The following RFX3 variants were observed in gnomAD, a reference collection of about 807,000 sequenced individuals.
The protein encoded by RFX3 is regulatory factor X3.
In RFX3, 14 loss-of-function variants were observed where a neutral mutation model predicts 98.6. That is an observed-to-expected ratio of 0.14 (90% CI 0.09 to 0.22). The LOEUF (loss-of-function observed/expected upper bound fraction) is 0.22. RFX3 is among the 10% of genes least tolerant of loss of function. RFX3 has a pLI of 1.00. For missense variants in RFX3, 639 were observed against 926.9 expected (o/e 0.69, Z 4.03); for synonymous variants, 383 against 328.4 (o/e 1.17, Z -1.80).
intron 15 of RFX3, 163 bp downstream of exon 15, chr9:3,247,869 G>C: frequency 6.2e-7 from 1 of 1,608,808 alleles, no homozygotes; most frequent in Non-Finnish European, 8.5e-7. Context: ...CATAAGAACA[G>C]AGGAATTTAA....
At chr9:3,366,447 C>G (rs1294688871) in intron 2 of RFX3, among the ~76,000 whole-genome samples, 1 of 152,104 alleles carries the variant, frequency 6.6e-6, no homozygotes, top group Non-Finnish European at 1.5e-5. Flanking sequence ...CGAAGCTTAA[C>G]TTATTTAACT....
intron 13 of RFX3, among the ~76,000 whole-genome samples, chr9:3,260,485 C>G (rs897616106): frequency 2.6e-5 from 4 of 151,854 alleles, no homozygotes; most frequent in African/African-American, 9.6e-5. Context: ...ATAATGCTAA[C>G]AGAACACTGA....
At chr9:3,248,213 A>G (rs1418940312) in intron 14 of RFX3, 28 bp from the exon 15 acceptor site, 1 of 1,561,566 alleles carries the variant, frequency 6.4e-7, no homozygotes, top group Non-Finnish European at 8.6e-7. Flanking sequence ...ACAAATATGC[A>G]GCTAACATTA....
At chr9:3,506,916 GCATTGCTTGAAAGGT>G (rs1411231378) in intron 1 of RFX3, among the ~76,000 whole-genome samples, 1 of 151,874 alleles carries the variant, frequency 6.6e-6, no homozygotes, top group African/African-American at 2.4e-5. Flanking sequence ...AAGTAAGACT[GCATTGCTTGAAAGGT>G]CATTGTAAAA....
At chr9:3,490,552 T>C (rs1025070545) in intron 1 of RFX3, among the ~76,000 whole-genome samples, 1 of 152,142 alleles carries the variant, frequency 6.6e-6, no homozygotes, top group Non-Finnish European at 1.5e-5. Context: ...AGATACTGTT[T>C]TTGATTTTAC....
At chr9:3,299,189 T>A (rs1218982163) in intron 5 of RFX3, among the ~76,000 whole-genome samples, 3 of 151,640 alleles carry the variant, frequency 2.0e-5, no homozygotes, top group Admixed American at 1.3e-4. Flanking sequence ...ACTGAAAAAA[T>A]TCTACACAAC....
intron 15 of RFX3, among the ~76,000 whole-genome samples, chr9:3,236,515 C>T (rs1209236961): frequency 5.9e-5 from 9 of 152,200 alleles, no homozygotes; most frequent in Non-Finnish European, 5.9e-5. Flanking sequence ...ATGCTACCAG[C>T]TGCACCACAA....
intron 1 of RFX3, among the ~76,000 whole-genome samples, chr9:3,442,665 G>C (rs546530069): frequency 2.0e-5 from 3 of 152,268 alleles, no homozygotes; most frequent in African/African-American, 7.2e-5. Context: ...AGGAGAAAAG[G>C]AATGGGGGTA....
At chr9:3,430,266 T>TG (rs1844528033) in intron 1 of RFX3, among the ~76,000 whole-genome samples, 1 of 152,236 alleles carries the variant, frequency 6.6e-6, no homozygotes, top group Non-Finnish European at 1.5e-5. Flanking sequence ...ATGGATAGCA[T>TG]GCTAGGCTGT....
intron 1 of RFX3, among the ~76,000 whole-genome samples, chr9:3,507,473 A>C (rs1817217332): frequency 6.6e-6 from 1 of 151,854 alleles, no homozygotes; most frequent in African/African-American, 2.4e-5. Flanking sequence ...ATCCTATTTC[A>C]CAGAATTTAA....
chr9:3,506,897 A>G lies in RFX3; in HGVS notation c.-9+18850T>C, dbSNP rs140459333. Among the ~76,000 whole-genome samples, 523 of 152,050 alleles carry G rather than the reference A, an allele frequency of 3.4e-3. 3 individuals are homozygous for G. The highest frequency in any genetic ancestry group is 0.012 in the African/African-American group (497 of 41,548). On this transcript the variant is annotated intron_variant, in intron 1 of 16. Transcript: ENST00000617270. ...AAAAAGAAGTAAATAAATCCAATGG[A>G]AATAATAAAAGTAAGACTGCATTGC...
chr9:3,436,982 TTTTG>T (rs1462052182), intron 1 of RFX3, among the ~76,000 whole-genome samples: 1 of 152,052 alleles, frequency 6.6e-6, no homozygotes, highest in African/African-American at 2.4e-5. Flanking sequence ...TAATCCACGT[TTTTG>T]TTAGGAAGTT....
At chr9:3,321,129 C>T (rs1831256227) in intron 4 of RFX3, among the ~76,000 whole-genome samples, 1 of 152,024 alleles carries the variant, frequency 6.6e-6, no homozygotes, top group South Asian at 2.1e-4. Flanking sequence ...GTCTCGAACT[C>T]CTGACCTCAG....
chr9:3,347,757 C>A (rs1432044047), intron 2 of RFX3, among the ~76,000 whole-genome samples: 1 of 152,002 alleles, frequency 6.6e-6, no homozygotes, highest in Non-Finnish European at 1.5e-5. Flanking sequence ...ATCCAGGAGG[C>A]AGAGGTTGCA....
intron 3 of RFX3, among the ~76,000 whole-genome samples, chr9:3,344,431 G>A (rs1834217083): frequency 6.6e-6 from 1 of 152,064 alleles, no homozygotes; most frequent in Non-Finnish European, 1.5e-5. Context: ...CATTATGTTG[G>A]TGCTCAAAAA....
At chr9:3,473,605 A>G (rs556451490) in intron 1 of RFX3, among the ~76,000 whole-genome samples, 1 of 152,290 alleles carries the variant, frequency 6.6e-6, no homozygotes, top group East Asian at 1.9e-4. Flanking sequence ...CCATACTGAC[A>G]GATGCCCACA....
At chr9:3,253,170 G>A (rs1035442861) in intron 14 of RFX3, among the ~76,000 whole-genome samples, 6 of 152,134 alleles carry the variant, frequency 3.9e-5, no homozygotes, top group Middle Eastern at 3.2e-3. Flanking sequence ...AACTCATGGC[G>A]TGGAAATTGA....
intron 1 of RFX3, among the ~76,000 whole-genome samples, chr9:3,481,284 G>A (rs1849736561): frequency 6.6e-6 from 1 of 151,974 alleles, no homozygotes; most frequent in Non-Finnish European, 1.5e-5. Flanking sequence ...ATATTTGTTG[G>A]ATAAATTAAA....
intron 14 of RFX3, among the ~76,000 whole-genome samples, chr9:3,256,022 A>G (rs1428170980): frequency 1.3e-5 from 2 of 151,634 alleles, no homozygotes; most frequent in East Asian, 3.9e-4. Context: ...GCTGGAGTGC[A>G]GTGGCATGAT....
Sources: gnomAD v4.1 joint callset for allele counts (sites outside exome capture counted in the v4.1 genomes callset) on GRCh38, gnomAD v4.1.1 for gene constraint, MANE v1.5 for transcripts, NCBI Gene and HGNC (gene_info 2026-07-23, HGNC 2026-07-21) for gene names.